NAA60: variants seen among roughly 807,000 people sequenced by gnomAD.
NAA60 encodes the protein N-alpha-acetyltransferase 60.
NAA60 carries 8 observed loss-of-function variants against 26.1 expected under a neutral mutation model. The observed-to-expected ratio is 0.31, with a 90% CI of 0.18 to 0.55. The LOEUF (loss-of-function observed/expected upper bound fraction) is 0.55. NAA60 is among the 20% of genes least tolerant of loss of function. The pLI is 0.93. For synonymous variants in NAA60, 131 were observed against 122.5 expected (o/e 1.07, Z -0.46); for missense variants, 290 against 311.3 (o/e 0.93, Z 0.51).
chr16:3,482,388 C>T (rs1254425533), intron 4 of NAA60, 114 bp from the exon 5 acceptor site: 11 of 813,552 alleles, frequency 1.4e-5, no homozygotes, highest in South Asian at 9.1e-5. Flanking sequence ...CCCTCCCAGT[C>T]GGTGTCCCTC....
chr16:3,470,702 A>G (rs997267553), intron 2 of NAA60, among the ~76,000 whole-genome samples: 1 of 152,208 alleles, frequency 6.6e-6, no homozygotes, highest in Non-Finnish European at 1.5e-5. Context: ...CCTTTGGATC[A>G]TCTCCGACTT....
Position 3,479,543 on chromosome 16 carries a change from T to C in NAA60, c.183T>C (p.Gly61=). The part of the protein sequence containing the change: ...KFFSLAATYR[G]AIVGMIVAEI... ...TTTCCCTTGCTGCAACCTACAGAGG[T>C]GCCATTGTGGGAATGATAGTAGCTG... The change falls in exon 4 of 8, where the codon GGT becomes GGC. Residue 61 remains glycine, a synonymous_variant. Coordinates refer to ENST00000407558, the MANE Select transcript of NAA60 (RefSeq NM_001083601.3). 3 of 1,614,006 alleles carry C rather than the reference T, an allele frequency of 1.9e-6. No individual in the cohort carries two copies. Among genetic ancestry groups the C allele is most frequent in the Non-Finnish European group, 2.5e-6 (3 of 1,179,882 alleles).
chr16:3,454,746 G>A (rs1050644524), intron 2 of NAA60, among the ~76,000 whole-genome samples: 2 of 152,172 alleles, frequency 1.3e-5, no homozygotes, highest in Non-Finnish European at 2.9e-5. Context: ...ATGTCCCTCT[G>A]CTTGACTTGC....
At chr16:3,446,178 T>C (rs1007895698) in intron 1 of NAA60, among the ~76,000 whole-genome samples, 4 of 152,176 alleles carry the variant, frequency 2.6e-5, no homozygotes, top group Non-Finnish European at 5.9e-5. Flanking sequence ...TCTCTGAAAA[T>C]TATCTTTTTA....
intron 2 of NAA60, among the ~76,000 whole-genome samples, chr16:3,458,357 C>G (rs1029028206): frequency 2.0e-5 from 3 of 151,748 alleles, no homozygotes; most frequent in East Asian, 1.9e-4. Flanking sequence ...TCCCGGGAGC[C>G]GGTTTCGGGG....
At chr16:3,472,838 A>G (rs2150995556) in intron 2 of NAA60, among the ~76,000 whole-genome samples, 1 of 152,354 alleles carries the variant, frequency 6.6e-6, no homozygotes, top group East Asian at 1.9e-4. Flanking sequence ...CAACTAAATT[A>G]AACTAAATTC....
intron 1 of NAA60, among the ~76,000 whole-genome samples, chr16:3,446,949 C>A (rs1324641948): frequency 6.6e-6 from 1 of 151,978 alleles, no homozygotes; most frequent in South Asian, 2.1e-4. Context: ...TCAAGCAATT[C>A]TTCTGGCTCA....
At chr16:3,447,515 A>G (rs1433719120) in intron 1 of NAA60, 19 of 985,258 alleles carry the variant, frequency 1.9e-5, no homozygotes, top group Non-Finnish European at 2.2e-5. Flanking sequence ...TTACTTAAAC[A>G]TAAGTATGGC....
At chr16:3,453,921 T>C (rs570835473) in intron 2 of NAA60, among the ~76,000 whole-genome samples, 13 of 152,132 alleles carry the variant, frequency 8.5e-5, no homozygotes, top group African/African-American at 2.4e-4. Flanking sequence ...CGTAGGGCCA[T>C]TGGTGTCCAG....
rs1292275415 is a variant in NAA60, at chr16:3,485,971, C to T, written c.*711C>T. On this transcript the variant is annotated 3_prime_UTR_variant, in exon 8 of 8. Transcript: ENST00000407558. ...CAGTGCCCTGGGAGGTCACACTGCC[C>T]GTCGGACCTTGGCATGCTCCATTCA... is the stretch of plus-strand genomic sequence containing the variant. The T allele has an allele frequency of 1.4e-5, 4 of 291,176 alleles. No homozygotes were observed. Among genetic ancestry groups the T allele is most frequent in the Admixed American group, 4.6e-5 (1 of 21,512 alleles). The allele number at this position is 291,176 out of a possible 1,614,324, so 18.0% of individuals were successfully genotyped here. A position where few individuals can be genotyped will look rare whatever the true frequency, so the allele number is the denominator to read the frequency against.
intron 3 of NAA60, among the ~76,000 whole-genome samples, chr16:3,477,282 A>G (rs754928039): frequency 1.3e-5 from 2 of 152,350 alleles, no homozygotes; most frequent in East Asian, 1.9e-4. Context: ...CTTGCCTACA[A>G]TATATGCACA....
At chr16:3,457,377 G>A (rs1324422925) in intron 2 of NAA60, among the ~76,000 whole-genome samples, 1 of 152,216 alleles carries the variant, frequency 6.6e-6, no homozygotes, top group Non-Finnish European at 1.5e-5. Context: ...CTGAGGCGGA[G>A]GCCAGGAGTT....
intron 2 of NAA60, among the ~76,000 whole-genome samples, chr16:3,457,359 T>C (rs1320022996): frequency 2.0e-5 from 3 of 152,178 alleles, no homozygotes; most frequent in Non-Finnish European, 4.4e-5. Flanking sequence ...TCTCGGCTAC[T>C]TGGGAGACTG....
intron 3 of NAA60, among the ~76,000 whole-genome samples, chr16:3,478,239 A>G (rs776357048): frequency 4.6e-5 from 7 of 152,178 alleles, no homozygotes; most frequent in Non-Finnish European, 1.0e-4. Flanking sequence ...CCATCTCAAA[A>G]TAAAAATAAA....
chr16:3,483,776 G>A (rs1034119183), intron 6 of NAA60, 179 bp downstream of exon 6: 8 of 605,450 alleles, frequency 1.3e-5, no homozygotes, highest in Admixed American at 3.1e-5. Context: ...TGGGTAAATC[G>A]AGTTGCACAT....
At chr16:3,455,708 T>TTTTTG (rs950985860) in intron 2 of NAA60, among the ~76,000 whole-genome samples, 20 of 146,768 alleles carry the variant, frequency 1.4e-4, no homozygotes, top group Non-Finnish European at 2.1e-4. Flanking sequence ...GTTTTGGGTT[T>TTTTTG]TTTTGTTTTG....
intron 2 of NAA60, among the ~76,000 whole-genome samples, chr16:3,454,041 A>G (rs1032786685): frequency 6.6e-6 from 1 of 152,186 alleles, no homozygotes; most frequent in Non-Finnish European, 1.5e-5. Context: ...ATTGTCGGAA[A>G]GAGGCCTAGG....
chr16:3,481,890 G>T (rs1052456602), intron 4 of NAA60, among the ~76,000 whole-genome samples: 19 of 152,144 alleles, frequency 1.2e-4, no homozygotes, highest in African/African-American at 4.3e-4. Flanking sequence ...TTACGAGTTG[G>T]AAGATGATAA....
intron 2 of NAA60, among the ~76,000 whole-genome samples, chr16:3,458,877 G>A (rs772903090): frequency 1.3e-4 from 20 of 152,156 alleles, no homozygotes; most frequent in Non-Finnish European, 2.4e-4. Context: ...TTTGTGGTTT[G>A]TCCTGCTGGG....
Sources: gnomAD v4.1 joint callset for allele counts (sites outside exome capture counted in the v4.1 genomes callset) on GRCh38, gnomAD v4.1.1 for gene constraint, MANE v1.5 for transcripts, NCBI Gene and HGNC (gene_info 2026-07-23, HGNC 2026-07-21) for gene names.